Variants in ZCCHC17 observed in about 807,000 individuals in gnomAD.
ZCCHC17 encodes zinc finger CCHC-type containing 17, also known as zinc finger CCHC domain-containing protein 17.
ZCCHC17 carries 18 observed loss-of-function variants against 30.6 expected under a neutral mutation model. That is an observed-to-expected ratio of 0.59 (90% CI 0.41 to 0.87). The LOEUF (loss-of-function observed/expected upper bound fraction) is 0.87, where lower values mean the gene tolerates loss of function less well. ZCCHC17 is among the 40% of genes least tolerant of loss of function. The probability of loss-of-function intolerance (pLI) is 0.00; values close to 1 mark genes in which losing one functional copy is unlikely to be tolerated. For synonymous variants in ZCCHC17, 88 were observed against 92.4 expected, an observed-to-expected ratio of 0.95 and a Z score of 0.27; for missense variants, 263 against 284.2, an observed-to-expected ratio of 0.93 and a Z score of 0.54.
At chr1:31,309,451 A>G (rs1314205095) in intron 1 of ZCCHC17, among the ~76,000 whole-genome samples, 1 of 152,114 alleles carries the variant, frequency 6.6e-6, no homozygotes, top group Non-Finnish European at 1.5e-5. Flanking sequence ...AGTAGCTGGG[A>G]CTACAGGCTC....
Position 31,364,329 on chromosome 1 carries a change from T to C in ZCCHC17, c.*136T>C. Reference sequence around the variant, plus strand: ...CGCTCCCATGGGAGATGGCTTCCCCTCATGCAACAGGCAGGTTTGGGAGTT... The same window carrying C: ...CGCTCCCATGGGAGATGGCTTCCCCCCATGCAACAGGCAGGTTTGGGAGTT... On this transcript the variant is annotated 3_prime_UTR_variant, in exon 8 of 8. Coordinates refer to ENST00000344147, the MANE Select transcript of ZCCHC17 (RefSeq NM_016505.4). 1 of 1,409,208 alleles carries C rather than the reference T, an allele frequency of 7.1e-7. No individual in the cohort carries two copies. Among genetic ancestry groups the C allele is most frequent in the South Asian group, 1.7e-5 (1 of 59,434 alleles). 87.3% of individuals were successfully genotyped at this position (1,409,208 alleles called of 1,614,324 possible). A position where few individuals can be genotyped will look rare whatever the true frequency, so the allele number is the denominator to read the frequency against.
At chr1:31,317,666 G>A (rs1646769960) in intron 2 of ZCCHC17, among the ~76,000 whole-genome samples, 1 of 151,750 alleles carries the variant, frequency 6.6e-6, no homozygotes, top group South Asian at 2.1e-4. Context: ...GATGGGTCTT[G>A]CTATGTTATC....
chr1:31,305,466 T>C (rs1019075111), intron 1 of ZCCHC17, among the ~76,000 whole-genome samples: 6 of 152,096 alleles, frequency 3.9e-5, no homozygotes, highest in Non-Finnish European at 8.8e-5. Context: ...TTTTTTGTAT[T>C]TTTAGTAGAG....
chr1:31,347,774 T>C (rs1639327311), intron 6 of ZCCHC17, among the ~76,000 whole-genome samples: 1 of 152,166 alleles, frequency 6.6e-6, no homozygotes, highest in African/African-American at 2.4e-5. Context: ...CATGTCCAGC[T>C]AATTTTTAAA....
chr1:31,349,950 C>G (rs765019649), intron 7 of ZCCHC17, among the ~76,000 whole-genome samples: 1 of 152,184 alleles, frequency 6.6e-6, no homozygotes, highest in Non-Finnish European at 1.5e-5. Context: ...GGCTTTAACG[C>G]TCTTGATACA....
At chr1:31,319,356 A>C (rs1328347904) in intron 3 of ZCCHC17, among the ~76,000 whole-genome samples, 190 bp downstream of exon 3, 3 of 152,218 alleles carry the variant, frequency 2.0e-5, no homozygotes, top group African/African-American at 7.2e-5. Context: ...TCTCTGACTC[A>C]GGAGGAAGAC....
At chr1:31,309,290 T>C (rs2148413449) in intron 1 of ZCCHC17, among the ~76,000 whole-genome samples, 1 of 152,250 alleles carries the variant, frequency 6.6e-6, no homozygotes, top group South Asian at 2.1e-4. Context: ...ATAATAGTAA[T>C]AGAACTTACA....
At chr1:31,314,706 ATTC>A (rs1646688802) in intron 2 of ZCCHC17, among the ~76,000 whole-genome samples, 1 of 151,920 alleles carries the variant, frequency 6.6e-6, no homozygotes, top group African/African-American at 2.4e-5. Flanking sequence ...ACCCATGAGA[ATTC>A]TTTTTTTTTT....
At chr1:31,325,632 G>A (rs893868575) in intron 3 of ZCCHC17, among the ~76,000 whole-genome samples, 3 of 152,196 alleles carry the variant, frequency 2.0e-5, no homozygotes, top group African/African-American at 7.2e-5. Flanking sequence ...TCGCCACTCC[G>A]AGCCTGGCTC....
intron 1 of ZCCHC17, 31 bp from the exon 2 acceptor site, chr1:31,310,009 ATCTC>A: frequency 8.1e-7 from 1 of 1,237,544 alleles, no homozygotes; most frequent in Non-Finnish European, 1.2e-6. Flanking sequence ...TAATGCAGAT[ATCTC>A]TCTAATTGGT....
At chr1:31,329,954 G>A (rs1043980248) in intron 3 of ZCCHC17, among the ~76,000 whole-genome samples, 3 of 152,162 alleles carry the variant, frequency 2.0e-5, no homozygotes, top group Non-Finnish European at 4.4e-5. Flanking sequence ...ATGTTTTAGT[G>A]AATCCTTAAT....
At chr1:31,352,537 G>T (rs968380417) in intron 7 of ZCCHC17, among the ~76,000 whole-genome samples, 2 of 152,168 alleles carry the variant, frequency 1.3e-5, no homozygotes, top group Non-Finnish European at 2.9e-5. Flanking sequence ...GGGCTGGAGT[G>T]CAGTGGCACA....
intron 1 of ZCCHC17, among the ~76,000 whole-genome samples, chr1:31,299,797 A>T (rs896661543): frequency 6.6e-6 from 1 of 152,142 alleles, no homozygotes; most frequent in Non-Finnish European, 1.5e-5. Context: ...ACTGCCAGAG[A>T]GTTAAATATA....
At chr1:31,345,632 AG>A (rs1210747566) in intron 5 of ZCCHC17, among the ~76,000 whole-genome samples, 1 of 86,716 alleles carries the variant, frequency 1.2e-5, no homozygotes, top group Non-Finnish European at 2.7e-5. Context: ...TAATTTATAA[AG>A]AAAAGAGGTT....
chr1:31,300,765 G>A (rs1341121510), intron 1 of ZCCHC17, among the ~76,000 whole-genome samples: 2 of 151,932 alleles, frequency 1.3e-5, no homozygotes, highest in African/African-American at 4.8e-5. Context: ...GTGAAACCCT[G>A]TCTCTACTAA....
intron 7 of ZCCHC17, among the ~76,000 whole-genome samples, chr1:31,352,117 A>G (rs1639489741): frequency 6.6e-6 from 1 of 152,176 alleles, no homozygotes; most frequent in African/African-American, 2.4e-5. Context: ...TCATTGACCC[A>G]TTTGATAAGC....
At position 31,357,754 on chromosome 1, in the gene ZCCHC17, CCTTT is replaced by C. The variant is rs1395921083; in HGVS notation, c.565-6273_565-6270del. Among the ~76,000 whole-genome samples, 3 of 143,852 alleles carry C rather than the reference CCTTT, an allele frequency of 2.1e-5. No homozygotes were observed. In the East Asian group the frequency reaches 6.3e-4, roughly 30 times the overall value. 94.4% of individuals were successfully genotyped at this position (143,852 alleles called of 152,430 possible). Reference sequence around the variant, plus strand: ...TTTTAGATAGGATGGTAAGGCCAGGCCTTTCTTTTTTTTTTTTTGAGACGGAGTT... The same window carrying C: ...TTTTAGATAGGATGGTAAGGCCAGGCCTTTTTTTTTTTTTGAGACGGAGTT... On this transcript the variant is annotated intron_variant, in intron 7 of 7. Transcript: ENST00000344147.
intron 3 of ZCCHC17, among the ~76,000 whole-genome samples, chr1:31,326,355 T>C (rs922468750): frequency 2.0e-5 from 3 of 152,232 alleles, no homozygotes; most frequent in African/African-American, 7.2e-5. Flanking sequence ...TGTAGACTAC[T>C]ATTCTGCAAA....
At chr1:31,357,300 G>C (rs1273014634) in intron 7 of ZCCHC17, among the ~76,000 whole-genome samples, 1 of 151,466 alleles carries the variant, frequency 6.6e-6, no homozygotes, top group Non-Finnish European at 1.5e-5. Context: ...TGCCTATTCA[G>C]ATACAGCAGA....
Sources: allele counts gnomAD v4.1 joint callset (sites outside exome capture counted in the v4.1 genomes callset), GRCh38; gene constraint gnomAD v4.1.1; transcripts MANE v1.5; gene names NCBI Gene and HGNC (gene_info 2026-07-23, HGNC 2026-07-21).